Variants in MYO16 observed in about 807,000 individuals in gnomAD.
MYO16 encodes the protein myosin XVI.
Under a neutral mutation model 205.3 loss-of-function variants are expected in MYO16, and 94 were observed. The observed-to-expected ratio is 0.46, with a 90% CI of 0.39 to 0.54. The LOEUF (loss-of-function observed/expected upper bound fraction) is 0.54, where lower values mean the gene tolerates loss of function less well. Among genes scored for constraint, MYO16 ranks in the 20% least tolerant of loss-of-function variants. The pLI is 0.00. For missense variants in MYO16, 2,315 were observed against 2,387.5 expected (o/e 0.97, Z 0.63); for synonymous variants, 988 against 954.0 (o/e 1.04, Z -0.66).
chr13:109,024,086 A>T lies in MYO16; in HGVS notation c.2796+4175A>T, dbSNP rs1886277024. ...TATTTATTTAAATATAAATTTATAT[A>T]CATAAACTATAAAAATGTATACATT... is the stretch of plus-strand genomic sequence containing the variant. On this transcript the variant is annotated intron_variant, in intron 23 of 34. Transcript: ENST00000457511. 2.0e-5 allele frequency among the ~76,000 whole-genome samples: 3 copies of T among 147,386 alleles called. No homozygotes were observed. The South Asian group carries it at 6.3e-4, about 31-fold the overall frequency.
At chr13:108,584,150 T>C in the MYO16 span, among the ~76,000 whole-genome samples, 1 of 152,080 alleles carries the variant, frequency 6.6e-6, no homozygotes, top group East Asian at 1.9e-4. Context: ...AGACGAGTTT[T>C]CACCGGGTTA....
intron 21 of MYO16, among the ~76,000 whole-genome samples, chr13:108,995,694 G>A (rs1332333540): frequency 3.9e-5 from 6 of 152,016 alleles, no homozygotes; most frequent in Admixed American, 1.3e-4. Context: ...GCGGTGTTTC[G>A]TTTTTTGTCC....
At chr13:108,702,018 G>C (rs201517288) in intron 2 of MYO16, among the ~76,000 whole-genome samples, 1 of 148,662 alleles carries the variant, frequency 6.7e-6, no homozygotes, top group Non-Finnish European at 1.5e-5. Flanking sequence ...AGGTAGAGAA[G>C]AAAAAAAAAA....
rs1367475960 is a variant in MYO16, at chr13:109,140,975, G to A, written c.4763G>A (p.Arg1588Gln). The change falls in exon 32 of 35, where the codon CGA becomes CAA. Residue 1588 changes from arginine (R) to glutamine (Q), a missense_variant. This residue lies in a region of MYO16 where 1,097 missense variants were observed against 1,092.0 expected (regional missense o/e 1.00). Transcript: ENST00000457511. The surrounding 1 kb of genome is among the most constrained non-coding windows in gnomAD (Gnocchi z 8.0). ...CTGGCGCTGTTCAACGGGTCCGGCC[G>A]AGCCTCCCCGCCGTCCACGCCGCCC... ...PGLALFNGSG[R>Q]ASPPSTPPPP... 22 of 1,429,632 alleles carry A rather than the reference G, an allele frequency of 1.5e-5. No homozygotes were observed. The highest frequency in any genetic ancestry group is 1.5e-4 in the East Asian group (5 of 32,876). The allele number at this position is 1,429,632 out of a possible 1,614,324, so 88.6% of individuals were successfully genotyped here. A position where few individuals can be genotyped will look rare whatever the true frequency, so the allele number is the denominator to read the frequency against.
intron 2 of MYO16, among the ~76,000 whole-genome samples, chr13:108,674,065 A>G (rs1398920138): frequency 6.6e-6 from 1 of 152,182 alleles, no homozygotes; most frequent in Non-Finnish European, 1.5e-5. Context: ...ATCAATATAC[A>G]TTGAATGATG....
In MYO16 at chr13:108,727,587, A is replaced by G. The variant is rs771074202; in HGVS notation, c.507+4A>G. 6 of 1,606,492 alleles carry G rather than the reference A, an allele frequency of 3.7e-6. No individual in the cohort carries two copies. In the Admixed American group the frequency reaches 1.0e-4, roughly 28 times the overall value. On this transcript the variant is annotated splice_donor_region_variant and intron_variant, in intron 4 of 34. Coordinates refer to ENST00000457511, the MANE Select transcript of MYO16 (RefSeq NM_001198950.3). Reference sequence around the variant, plus strand: ...TATTGTCCTGCTTCTTGTATTAGTAAGTAAAGCAATTCAGTTTACCATTTG... The same window carrying G: ...TATTGTCCTGCTTCTTGTATTAGTAGGTAAAGCAATTCAGTTTACCATTTG...
intron 15 of MYO16, among the ~76,000 whole-genome samples, chr13:108,898,581 T>C (rs1880554222): frequency 6.6e-6 from 1 of 152,110 alleles, no homozygotes; most frequent in South Asian, 2.1e-4. Context: ...ATTAAATAAA[T>C]AATACCTTAG....
intron 12 of MYO16, among the ~76,000 whole-genome samples, chr13:108,868,278 T>G (rs767878934): frequency 6.6e-6 from 1 of 152,230 alleles, no homozygotes; most frequent in Non-Finnish European, 1.5e-5. Flanking sequence ...AAATTCTAGT[T>G]GCTTCTCTTC....
intron 4 of MYO16, among the ~76,000 whole-genome samples, chr13:108,740,000 G>C (rs1032517569): frequency 6.6e-6 from 1 of 152,140 alleles, no homozygotes; most frequent in African/African-American, 2.4e-5. Flanking sequence ...GTCATTTAAG[G>C]ACTTCTGTAC....
chr13:108,604,090 T>G (rs1317567761), intron 1 of MYO16, among the ~76,000 whole-genome samples: 1 of 152,064 alleles, frequency 6.6e-6, no homozygotes, highest in African/African-American at 2.4e-5. Context: ...GAAAAGCCCC[T>G]TCTAAAACCA....
chr13:108,814,204 A>C (rs752855275), intron 7 of MYO16, among the ~76,000 whole-genome samples: 1 of 152,212 alleles, frequency 6.6e-6, no homozygotes, highest in African/African-American at 2.4e-5. Flanking sequence ...AATTGAATTT[A>C]GTAATGCAAC....
chr13:108,870,479 T>G (rs1027167573), intron 12 of MYO16, among the ~76,000 whole-genome samples: 2 of 152,100 alleles, frequency 1.3e-5, no homozygotes, highest in Admixed American at 1.3e-4. Context: ...CTCTTAAATG[T>G]TTGGAAGAAT....
chr13:108,986,487 T>G (rs1420196731), intron 20 of MYO16, among the ~76,000 whole-genome samples: 1 of 151,834 alleles, frequency 6.6e-6, no homozygotes, highest in Non-Finnish European at 1.5e-5. Flanking sequence ...CTGTGTGTGG[T>G]GGCACATGCT....
chr13:108,985,818 T>C (rs988604538), intron 20 of MYO16, among the ~76,000 whole-genome samples: 1 of 152,248 alleles, frequency 6.6e-6, no homozygotes, highest in African/African-American at 2.4e-5. Context: ...TCTAATAATC[T>C]ATCACAGTGC....
At chr13:108,750,129 GA>G (rs1885184841) in intron 4 of MYO16, among the ~76,000 whole-genome samples, 1 of 152,348 alleles carries the variant, frequency 6.6e-6, no homozygotes, top group African/African-American at 2.4e-5. Flanking sequence ...ATAGGTGAAT[GA>G]AGCTTAGGGG....
At chr13:109,165,380 T>C (rs1878607737) in intron 33 of MYO16, among the ~76,000 whole-genome samples, 1 of 152,182 alleles carries the variant, frequency 6.6e-6, no homozygotes. Context: ...AAAATTATTC[T>C]GGAAACTAAG....
chr13:109,066,141 A>G (rs940388208), intron 27 of MYO16, among the ~76,000 whole-genome samples: 5 of 152,166 alleles, frequency 3.3e-5, no homozygotes, highest in African/African-American at 1.2e-4. Flanking sequence ...ATGAAAGAAG[A>G]CACACTTCCA....
At chr13:108,584,312 A>G in the MYO16 span, among the ~76,000 whole-genome samples, 4 of 152,250 alleles carry the variant, frequency 2.6e-5, no homozygotes, top group African/African-American at 9.6e-5. Flanking sequence ...TGCATTGTCT[A>G]TGATTTCTGG....
At chr13:108,707,845 T>A (rs534328490) in intron 2 of MYO16, among the ~76,000 whole-genome samples, 4 of 152,168 alleles carry the variant, frequency 2.6e-5, no homozygotes, top group African/African-American at 9.6e-5. Context: ...AAACACACAA[T>A]TTTAGATCCC....
Sources: gnomAD v4.1 joint callset for allele counts (sites outside exome capture counted in the v4.1 genomes callset) on GRCh38, gnomAD v4.1.1 for gene constraint, gnomAD v4.1.1 regional missense constraint, Gnocchi (gnomAD v3.1) non-coding constraint, MANE v1.5 for transcripts, NCBI Gene and HGNC (gene_info 2026-07-23, HGNC 2026-07-21) for gene names.